The following P2RY8 variants were observed in gnomAD, a reference collection of about 807,000 sequenced individuals.
The protein encoded by P2RY8 is P2Y receptor family member 8, also known as S-geranylgeranyl-glutathione receptor P2RY8.
In P2RY8, 6 loss-of-function variants were observed where a neutral mutation model predicts 10.0. The observed-to-expected ratio is 0.60, with a 90% CI of 0.33 to 1.19. The LOEUF (loss-of-function observed/expected upper bound fraction) is 1.19, where lower values mean the gene tolerates loss of function less well. Ranked by LOEUF, P2RY8 falls within the 50% of genes most tolerant of loss-of-function variation. P2RY8 has a pLI of 0.04. For missense variants in P2RY8, 456 were observed against 542.0 expected, an observed-to-expected ratio of 0.84 and a Z score of 1.58; for synonymous variants, 276 against 252.5, an observed-to-expected ratio of 1.09 and a Z score of -0.88.
Position 1,484,848 on chromosome X carries a change from C to T in P2RY8, c.-24-18266G>A, listed in dbSNP as rs748374777. On this transcript the variant is annotated intron_variant, in intron 1 of 1. Transcript: ENST00000381297. The stretch of plus-strand genomic sequence containing the variant: ...GTCCTGCGTGTTTGCAAATTGACTC[C>T]AAAAATCACCTGGTGTGTCCTCAAA... Among the ~76,000 whole-genome samples, 32 of 151,262 alleles carry T rather than the reference C, an allele frequency of 2.1e-4. No homozygotes were observed. The South Asian group carries it at 6.3e-3, about 30-fold the overall frequency.
Position 1,519,768 on chromosome X carries a change from T to C in P2RY8, c.-25+17153A>G, listed in dbSNP as rs1444618514. ...ATTTTCTCTGATTTCTAATATTGTC[T>C]CTGATCTCCCCCAAATCTCCCTAGT... On this transcript the variant is annotated intron_variant, in intron 1 of 1. Transcript: ENST00000381297. Among the ~76,000 whole-genome samples the C allele has an allele frequency of 4.6e-5, 7 of 151,986 alleles. No homozygotes were observed. The East Asian group carries it at 1.4e-3, about 29-fold the overall frequency.
chrX:1,481,040 C>T (rs2091929300), intron 1 of P2RY8, among the ~76,000 whole-genome samples: 2 of 151,990 alleles, frequency 1.3e-5, no homozygotes, highest in East Asian at 1.9e-4. Context: ...ACATGCCGGC[C>T]GACAGGTCTC....
intron 1 of P2RY8, among the ~76,000 whole-genome samples, chrX:1,531,979 C>A (rs753030115): frequency 6.6e-6 from 1 of 152,064 alleles, no homozygotes; most frequent in Non-Finnish European, 1.5e-5. Context: ...ACTAGTACAG[C>A]CACTATAGAA....
intron 1 of P2RY8, among the ~76,000 whole-genome samples, chrX:1,469,781 C>T (rs183704343): frequency 6.6e-6 from 1 of 151,718 alleles, no homozygotes; most frequent in African/African-American, 2.4e-5. Context: ...GGTGGCGAGT[C>T]CCAGCTACTC....
intron 1 of P2RY8, among the ~76,000 whole-genome samples, chrX:1,502,401 A>T (rs780475919): frequency 1.6e-4 from 25 of 152,132 alleles, no homozygotes; most frequent in Middle Eastern, 3.4e-3. Context: ...AGTGTTGGTG[A>T]CACTCAGCCA....
intron 1 of P2RY8, among the ~76,000 whole-genome samples, chrX:1,486,948 G>A (rs2091991488): frequency 6.6e-6 from 1 of 152,204 alleles, no homozygotes; most frequent in South Asian, 2.1e-4. Flanking sequence ...TTTCTCCCCG[G>A]GACAGGGCAG....
At chrX:1,532,492 TATACAC>T (rs1171279213) in intron 1 of P2RY8, among the ~76,000 whole-genome samples, 1 of 125,224 alleles carries the variant, frequency 8.0e-6, no homozygotes, top group Non-Finnish European at 1.7e-5. Context: ...TATGTGTATA[TATACAC>T]ATATATGTAT....
chrX:1,531,716 G>T (rs2092476974), intron 1 of P2RY8, among the ~76,000 whole-genome samples: 1 of 152,100 alleles, frequency 6.6e-6, no homozygotes, highest in South Asian at 2.1e-4. Context: ...TCTGCTCAGG[G>T]CACCAGCACC....
At position 1,480,038 on chromosome X, in the gene P2RY8, A is replaced by T. The variant is rs145421586; in HGVS notation, c.-24-13456T>A. On this transcript the variant is annotated intron_variant, in intron 1 of 1. Coordinates refer to ENST00000381297, the MANE Select transcript of P2RY8 (RefSeq NM_178129.5). ...GCTCCAGGCCCAGATGGGTTTACTG[A>T]TGAATTTTCCCCAACATTTAAGGAA... 3.7e-3 allele frequency among the ~76,000 whole-genome samples: 564 copies of T among 152,320 alleles called. 2 individuals are homozygous for T. The highest frequency in any genetic ancestry group is 0.013 in the African/African-American group (547 of 41,566).
At chrX:1,484,511 G>A (rs1308441756) in intron 1 of P2RY8, among the ~76,000 whole-genome samples, 1 of 150,806 alleles carries the variant, frequency 6.6e-6, no homozygotes, top group Non-Finnish European at 1.5e-5. Context: ...CGGATCATGA[G>A]GTCGGAAGTT....
At chrX:1,476,761 T>C (rs1381243439) in intron 1 of P2RY8, among the ~76,000 whole-genome samples, 40 of 152,202 alleles carry the variant, frequency 2.6e-4, no homozygotes, top group Non-Finnish European at 4.6e-4. Context: ...GGAAGGATGC[T>C]ACTGGGATCT....
At chrX:1,524,601 C>T (rs2092421750) in intron 1 of P2RY8, among the ~76,000 whole-genome samples, 7 of 134,058 alleles carry the variant, frequency 5.2e-5, no homozygotes, top group African/African-American at 7.9e-5. Flanking sequence ...ATCCATTCAT[C>T]CATCTATCCA....
chrX:1,470,921 C>T (rs2091776628), intron 1 of P2RY8, among the ~76,000 whole-genome samples: 1 of 151,028 alleles, frequency 6.6e-6, no homozygotes, highest in Non-Finnish European at 1.5e-5. Context: ...AGTGCAACCT[C>T]CGCCTCCTGG....
intron 1 of P2RY8, among the ~76,000 whole-genome samples, chrX:1,508,686 C>T (rs1407685287): frequency 6.1e-5 from 5 of 82,556 alleles, no homozygotes; most frequent in Admixed American, 2.3e-4. Context: ...ATCCATCATC[C>T]ATCCATCCAT....
In P2RY8 at chrX:1,463,106, T is replaced by C. The variant is rs1175989139; in HGVS notation, c.*2373A>G. ...CTCTGACTCAAGCTCTCATTTTTGT[T>C]TACAAGGCAGTTTAGGGATCGTCCG... On this transcript the variant is annotated 3_prime_UTR_variant, in exon 2 of 2. Coordinates refer to ENST00000381297, the MANE Select transcript of P2RY8 (RefSeq NM_178129.5). 6 of 233,060 alleles carry C rather than the reference T, an allele frequency of 2.6e-5. No individual in the cohort carries two copies. Among genetic ancestry groups the C allele is most frequent in the Non-Finnish European group, 5.1e-5 (6 of 118,014 alleles). 14.4% of individuals were successfully genotyped at this position (233,060 alleles called of 1,614,324 possible).
chrX:1,531,564 C>T (rs1207417556), intron 1 of P2RY8, among the ~76,000 whole-genome samples: 2 of 152,068 alleles, frequency 1.3e-5, no homozygotes, highest in African/African-American at 2.4e-5. Context: ...ACTCATCATC[C>T]GAAACCAACA....
chrX:1,493,962 C>T (rs1337826743), intron 1 of P2RY8: 1 of 152,238 alleles, frequency 6.6e-6, no homozygotes, highest in African/African-American at 2.4e-5. Flanking sequence ...TCACACACCC[C>T]AAAGGGAGGC....
At chrX:1,494,704 G>C (rs2092099951) in intron 1 of P2RY8, among the ~76,000 whole-genome samples, 1 of 151,948 alleles carries the variant, frequency 6.6e-6, no homozygotes, top group African/African-American at 2.4e-5. Flanking sequence ...TATGTCCATA[G>C]TCACTATTTG....
chrX:1,502,800 G>T (rs758731650), intron 1 of P2RY8, among the ~76,000 whole-genome samples: 1 of 152,152 alleles, frequency 6.6e-6, no homozygotes, highest in Non-Finnish European at 1.5e-5. Context: ...AGAGGAGAAG[G>T]CCACGTGGAG....
Sources: allele counts gnomAD v4.1 joint callset (sites outside exome capture counted in the v4.1 genomes callset), GRCh38; gene constraint gnomAD v4.1.1; transcripts MANE v1.5; gene names NCBI Gene and HGNC (gene_info 2026-07-23, HGNC 2026-07-21).